DUSP15: variants seen among roughly 807,000 people sequenced by gnomAD.
DUSP15 encodes dual specificity protein phosphatase 15.
A neutral mutation model predicts 26.3 loss-of-function variants in DUSP15; 23 were observed. The ratio of observed to expected loss-of-function variants is 0.87; its 90% CI spans 0.63 to 1.24. The LOEUF (loss-of-function observed/expected upper bound fraction) is 1.24, where lower values mean the gene tolerates loss of function less well. Among genes scored for constraint, DUSP15 ranks in the 50% most tolerant of loss-of-function variants. The pLI, the probability that DUSP15 is intolerant of heterozygous loss-of-function variation, is 0.00. For synonymous variants in DUSP15, 143 were observed against 135.5 expected, an observed-to-expected ratio of 1.06 and a Z score of -0.39; for missense variants, 364 against 320.6, an observed-to-expected ratio of 1.14 and a Z score of -1.03.
downstream of DUSP15, chr20:31,861,029 T>A: frequency 9.5e-7 from 1 of 1,054,974 alleles, no homozygotes; most frequent in South Asian, 4.3e-5. Context: ...GGCAGAATCC[T>A]GCTGCCCCGC....
At chr20:31,858,340 C>T (rs552299102), downstream of DUSP15, among the ~76,000 whole-genome samples, 94 of 152,344 alleles carry the variant, frequency 6.2e-4, 4 homozygotes, top group South Asian at 0.019. The surrounding 1 kb of genome is among the most constrained non-coding windows in gnomAD (Gnocchi z 4.4). Context: ...GGGGACCTTT[C>T]CTTCCTTCTG....
In DUSP15 at chr20:31,862,581, C is replaced by G. The variant is rs770925611; in HGVS notation, c.425G>C (p.Ser142Thr). Residue 142 changes from serine to threonine, a missense_variant, in exon 6 of 7, where the codon AGT becomes ACT. Coordinates refer to ENST00000339738, the MANE Select transcript of DUSP15 (RefSeq NM_080611.5). The stretch of plus-strand genomic sequence containing the variant: ...TGACCCCATCCCTACCTTCTGGGAA[C>G]TGGCCCAGCCAAACTCTTCAAGCTG... ...RQQLEEFGWA[S>T]SQKLRRQLEE... The G allele has an allele frequency of 3.1e-6, 5 of 1,609,534 alleles. No homozygotes were observed. The highest frequency in any genetic ancestry group is 4.2e-6 in the Non-Finnish European group (5 of 1,177,028).
At chr20:31,867,040 C>T (rs1218625577) in intron 3 of DUSP15, 31 bp downstream of exon 3, 5 of 1,548,094 alleles carry the variant, frequency 3.2e-6, no homozygotes, top group East Asian at 2.4e-5. Flanking sequence ...CTCCCACCCC[C>T]GCATAGCCCT....
downstream of DUSP15, chr20:31,861,009 G>C (rs879165089): frequency 3.9e-6 from 4 of 1,029,904 alleles, no homozygotes; most frequent in South Asian, 1.3e-4. Context: ...TGGCAGTCCT[G>C]CTGGCTCCTG....
At position 31,849,121 on chromosome 20, in the gene DUSP15, C is replaced by A. The variant is rs6141619; in HGVS notation, c.629-218G>T. 2.0e-5 allele frequency among the ~76,000 whole-genome samples: 3 copies of A among 152,146 alleles called. No individual in the cohort carries two copies. In the East Asian group the frequency reaches 5.8e-4, roughly 29 times the overall value. ...TCCAGGTCTTATGTCTCTTCCTTGGCCCCTATGCCCACCCCATGCCTTTAT... is the reference window on the plus strand; with the variant it reads ...TCCAGGTCTTATGTCTCTTCCTTGGACCCTATGCCCACCCCATGCCTTTAT... On this transcript the variant is annotated intron_variant, in intron 8 of 9. Coordinates refer to the DUSP15 transcript ENST00000278979.
downstream of DUSP15, among the ~76,000 whole-genome samples, chr20:31,857,747 G>C (rs968888010): frequency 6.6e-5 from 10 of 152,092 alleles, no homozygotes; most frequent in African/African-American, 2.4e-4. Flanking sequence ...CTCAAGAAAG[G>C]AGCCAGTTTG....
chr20:31,859,211 C>T (rs535434050), downstream of DUSP15, among the ~76,000 whole-genome samples: 17 of 151,572 alleles, frequency 1.1e-4, no homozygotes, highest in South Asian at 8.3e-4. Flanking sequence ...CACTGCCTGC[C>T]GACAGCTACA....
intron 1 of DUSP15, 64 bp from the exon 2 acceptor site, chr20:31,869,661 G>A: frequency 1.3e-6 from 2 of 1,591,514 alleles, no homozygotes; most frequent in South Asian, 1.1e-5. Flanking sequence ...CCCCAGGGCA[G>A]CTGGGGGGCC....
chr20:31,849,979 C>A (rs2062441194), intron 7 of DUSP15: 1 of 1,376,144 alleles, frequency 7.3e-7, no homozygotes, highest in Non-Finnish European at 9.4e-7. Context: ...GTCGTCCCAG[C>A]CTCTACCTCG....
chr20:31,870,161 C>A lies in DUSP15; in HGVS notation c.21+156G>T, dbSNP rs1316828563. 2 of 1,224,854 alleles carry A rather than the reference C, an allele frequency of 1.6e-6. No individual in the cohort carries two copies. The highest frequency in any genetic ancestry group is 2.0e-6 in the Non-Finnish European group (2 of 983,126). 75.9% of individuals were successfully genotyped at this position (1,224,854 alleles called of 1,614,324 possible). A position where few individuals can be genotyped will look rare whatever the true frequency, so the allele number is the denominator to read the frequency against. On this transcript the variant is annotated intron_variant, in intron 1 of 6. Transcript: ENST00000339738. This position sits in a 1 kb window ranked among gnomAD's most constrained non-coding sequence, Gnocchi z 6.6. Reference sequence around the variant, plus strand: ...ACGCAGGGTCAGAGAGGGGGAGACCCGACAGCCGCGGTCTCGAGTCACAGG... The same window carrying A: ...ACGCAGGGTCAGAGAGGGGGAGACCAGACAGCCGCGGTCTCGAGTCACAGG...
exon 8 of DUSP15, chr20:31,849,788 G>C (rs564419111): frequency 6.5e-7 from 1 of 1,540,686 alleles, no homozygotes; most frequent in Non-Finnish European, 8.7e-7. Flanking sequence ...GGCCGCCCGC[G>C]GACTCAGACG....
chr20:31,851,763 G>A (rs1010847797), intron 6 of DUSP15, among the ~76,000 whole-genome samples: 1 of 152,070 alleles, frequency 6.6e-6, no homozygotes, highest in South Asian at 2.1e-4. Context: ...CACTCAGCAG[G>A]TCTGACCTGC....
chr20:31,857,146 G>A (rs919381267), downstream of DUSP15, among the ~76,000 whole-genome samples: 5 of 152,076 alleles, frequency 3.3e-5, no homozygotes, highest in African/African-American at 9.7e-5. Flanking sequence ...AGGAGGGGGA[G>A]GCCACAGAAG....
chr20:31,861,851 C>T (rs1054628209), intron 6 of DUSP15, among the ~76,000 whole-genome samples, 176 bp from the exon 7 acceptor site: 2 of 151,748 alleles, frequency 1.3e-5, no homozygotes, highest in African/African-American at 2.4e-5. Flanking sequence ...TCCATCCCCT[C>T]ACTGAGTCCC....
At chr20:31,846,715 T>G (rs990489723), downstream of DUSP15, among the ~76,000 whole-genome samples, 3 of 152,120 alleles carry the variant, frequency 2.0e-5, no homozygotes, top group Non-Finnish European at 4.4e-5. Flanking sequence ...TCAGTTCTGC[T>G]GCATCCCTGT....
At chr20:31,860,977 T>C, downstream of DUSP15, 1 of 1,002,242 alleles carries the variant, frequency 1.0e-6, no homozygotes, top group Non-Finnish European at 1.2e-6. Flanking sequence ...TCGCATCCCC[T>C]TTTCTGCAGG....
At chr20:31,859,523 C>T (rs2123232920), downstream of DUSP15, among the ~76,000 whole-genome samples, 1 of 152,292 alleles carries the variant, frequency 6.6e-6, no homozygotes, top group South Asian at 2.1e-4. Flanking sequence ...TGTGTACCTG[C>T]TGGGAGGGCT....
chr20:31,870,241 C>T lies in DUSP15; in HGVS notation c.21+76G>A. 8.2e-7 allele frequency: 1 copy of T among 1,225,070 alleles called. No homozygotes were observed. Among genetic ancestry groups the T allele is most frequent in the Non-Finnish European group, 1.0e-6 (1 of 983,708 alleles). 75.9% of individuals were successfully genotyped at this position (1,225,070 alleles called of 1,614,324 possible). A position where few individuals can be genotyped will look rare whatever the true frequency, so the allele number is the denominator to read the frequency against. ...GCGAGAACAGAAGGTCAGAGGCGGG[C>T]GGACCGAGCTGGTCAGCGCCGGGCC... On this transcript the variant is annotated intron_variant, in intron 1 of 6. Transcript: ENST00000339738. This position sits in a 1 kb window ranked among gnomAD's most constrained non-coding sequence, Gnocchi z 6.6.
At position 31,861,518 on chromosome 20, in the gene DUSP15, T is replaced by C. The variant is rs1407229317; in HGVS notation, c.593A>G (p.Gln198Arg). ...CCGGGGCGTGCGCGGCACCAGGCGCTGCACGGTTCCCTCGGAGGCTGCTGA... is the reference window on the plus strand; with the variant it reads ...CCGGGGCGTGCGCGGCACCAGGCGCCGCACGGTTCCCTCGGAGGCTGCTGA... Reference protein sequence around the residue: ...PHSAASEGTVQRLVPRTPREA... With the variant: ...PHSAASEGTVRRLVPRTPREA... Residue 198 changes from glutamine (Q) to arginine (R), a missense_variant, in exon 7 of 7, where the codon CAG (glutamine) becomes CGG (arginine). Transcript: ENST00000339738. 2.6e-6 allele frequency: 4 copies of C among 1,525,322 alleles called. No individual in the cohort carries two copies. The highest frequency in any genetic ancestry group is 3.5e-6 in the Non-Finnish European group (4 of 1,145,338). The allele number at this position is 1,525,322 out of a possible 1,614,324, so 94.5% of individuals were successfully genotyped here.
Sources: allele counts gnomAD v4.1 joint callset (sites outside exome capture counted in the v4.1 genomes callset), GRCh38; gene constraint gnomAD v4.1.1; non-coding constraint Gnocchi (gnomAD v3.1); transcripts MANE v1.5; gene names NCBI Gene and HGNC (gene_info 2026-07-23, HGNC 2026-07-21).